JAKMIP2: variants seen among roughly 807,000 people sequenced by gnomAD.
JAKMIP2 encodes the protein janus kinase and microtubule interacting protein 2.
JAKMIP2 carries 25 observed loss-of-function variants against 115.0 expected under a neutral mutation model. The observed-to-expected ratio is 0.22, with a 90% confidence interval of 0.16 to 0.30. JAKMIP2 has a LOEUF of 0.30. JAKMIP2 is among the 10% of genes least tolerant of loss of function. JAKMIP2 has a pLI of 1.00. For synonymous variants in JAKMIP2, 334 were observed against 343.6 expected, an observed-to-expected ratio of 0.97 and a Z score of 0.31; for missense variants, 642 against 957.6, an observed-to-expected ratio of 0.67 and a Z score of 4.35.
At chr5:147,625,093 C>A (rs1581311856) in intron 16 of JAKMIP2, among the ~76,000 whole-genome samples, 1 of 152,218 alleles carries the variant, frequency 6.6e-6, no homozygotes, top group Admixed American at 6.5e-5. Flanking sequence ...GATTCTCCAG[C>A]CTCAGCCTCC....
At chr5:147,634,626 A>G (rs1450419278) in intron 12 of JAKMIP2, among the ~76,000 whole-genome samples, 2 of 152,224 alleles carry the variant, frequency 1.3e-5, no homozygotes, top group Non-Finnish European at 2.9e-5. Flanking sequence ...TTCAATGCCA[A>G]CAAAGTTTCT....
intron 1 of JAKMIP2, among the ~76,000 whole-genome samples, chr5:147,754,440 T>A (rs116517271): frequency 0.017 from 2,654 of 152,062 alleles, 96 homozygotes; most frequent in African/African-American, 0.061. Context: ...ATAGAAGGAT[T>A]ACAAAATACC....
chr5:147,698,706 C>T (rs1471097888), intron 1 of JAKMIP2, among the ~76,000 whole-genome samples: 2 of 152,158 alleles, frequency 1.3e-5, no homozygotes, highest in Middle Eastern at 6.3e-3. Flanking sequence ...TGTTTGCTTC[C>T]CCTTCTGCCA....
intron 2 of JAKMIP2, 117 bp from the exon 3 acceptor site, chr5:147,661,562 A>G (rs1378468395): frequency 9.3e-7 from 1 of 1,075,240 alleles, no homozygotes; most frequent in Non-Finnish European, 1.3e-6. Context: ...CTCTTTTCCA[A>G]TTCCAGGCCC....
Position 147,669,653 on chromosome 5 carries a change from A to C in JAKMIP2, c.129+2025T>G, listed in dbSNP as rs78980437. ...GAATGTAGATTGTCATCCTGTCATAACTGCAATTAAAGGAGTCTGCCTCCC... is the reference window on the plus strand; with the variant it reads ...GAATGTAGATTGTCATCCTGTCATACCTGCAATTAAAGGAGTCTGCCTCCC... On this transcript the variant is annotated intron_variant, in intron 2 of 21. Coordinates refer to ENST00000616793, the MANE Select transcript of JAKMIP2 (RefSeq NM_001270941.2). Among the ~76,000 whole-genome samples the C allele has an allele frequency of 1.3e-4, 20 of 152,304 alleles. No individual in the cohort carries two copies. The East Asian group carries it at 3.9e-3, about 29-fold the overall frequency.
intron 3 of JAKMIP2, among the ~76,000 whole-genome samples, chr5:147,658,070 TGGA>T (rs1758768503): frequency 6.6e-6 from 1 of 152,136 alleles, no homozygotes; most frequent in Admixed American, 6.5e-5. Flanking sequence ...TGTGAACGTT[TGGA>T]GGAGAAGAGG....
At chr5:147,742,999 C>G (rs899444766) in intron 1 of JAKMIP2, among the ~76,000 whole-genome samples, 2 of 152,178 alleles carry the variant, frequency 1.3e-5, no homozygotes, top group African/African-American at 4.8e-5. Flanking sequence ...TCCTAATCTG[C>G]AATGTTAGGC....
chr5:147,746,331 C>G (rs187200833), intron 1 of JAKMIP2, among the ~76,000 whole-genome samples: 353 of 152,200 alleles, frequency 2.3e-3, no homozygotes, highest in African/African-American at 8.2e-3. Flanking sequence ...AGCTCGATGA[C>G]CTGGGTTGTA....
At chr5:147,721,588 T>G in intron 1 of JAKMIP2, among the ~76,000 whole-genome samples, 1 of 152,012 alleles carries the variant, frequency 6.6e-6, no homozygotes. Flanking sequence ...AAGCGCAGTA[T>G]TCGGGTGGGA....
chr5:147,691,742 G>T (rs1317340320), intron 1 of JAKMIP2, among the ~76,000 whole-genome samples: 1 of 152,152 alleles, frequency 6.6e-6, no homozygotes, highest in African/African-American at 2.4e-5. Context: ...GGTGCTGGCT[G>T]GTCAGTGGAG....
At position 147,643,939 on chromosome 5, in the gene JAKMIP2, A is replaced by G. The variant is rs187888320; in HGVS notation, c.1224+119T>C. 840 of 692,700 alleles carry G rather than the reference A, an allele frequency of 1.2e-3. 4 individuals carry two copies. The highest frequency in any genetic ancestry group is 1.4e-3 in the Non-Finnish European group (628 of 441,132). The allele number at this position is 692,700 out of a possible 1,614,324, so 42.9% of individuals were successfully genotyped here. A position where few individuals can be genotyped will look rare whatever the true frequency, so the allele number is the denominator to read the frequency against. On this transcript the variant is annotated intron_variant, in intron 7 of 21. Transcript: ENST00000616793. ...TACAGTCTCTAGAACAAAATTACAT[A>G]TTTAACATATGAACTTGGGCCTCTG...
At chr5:147,673,081 A>G (rs1001533340) in intron 1 of JAKMIP2, among the ~76,000 whole-genome samples, 2 of 152,176 alleles carry the variant, frequency 1.3e-5, no homozygotes, top group Non-Finnish European at 2.9e-5. Flanking sequence ...AGAGAGAATG[A>G]ATGCAAGAAG....
chr5:147,730,901 G>A (rs1753706631), intron 1 of JAKMIP2, among the ~76,000 whole-genome samples: 1 of 152,128 alleles, frequency 6.6e-6, no homozygotes, highest in Non-Finnish European at 1.5e-5. Context: ...TGCTGTATTA[G>A]GAGGTGAGCT....
chr5:147,660,039 C>T (rs996519967), intron 3 of JAKMIP2, among the ~76,000 whole-genome samples: 2 of 152,090 alleles, frequency 1.3e-5, no homozygotes, highest in Non-Finnish European at 2.9e-5. Flanking sequence ...AGCCTTATTT[C>T]CGGAGAAGCA....
intron 8 of JAKMIP2, among the ~76,000 whole-genome samples, chr5:147,641,458 A>G (rs539061051): frequency 2.0e-5 from 3 of 152,210 alleles, no homozygotes; most frequent in Non-Finnish European, 2.9e-5. Context: ...CATCAAACCT[A>G]GGGGCATCTC....
chr5:147,671,723 G>A lies in JAKMIP2; in HGVS notation c.84C>T (p.Thr28=), dbSNP rs777198531. 2.5e-5 allele frequency: 39 copies of A among 1,579,210 alleles called. No homozygotes were observed. The highest frequency in any genetic ancestry group is 5.3e-5 in the Admixed American group (3 of 56,130). The change falls in exon 2 of 22, where the codon ACC becomes ACT. Residue 28 remains threonine (T), a synonymous_variant. Coordinates refer to ENST00000616793, the MANE Select transcript of JAKMIP2 (RefSeq NM_001270941.2). The stretch of plus-strand genomic sequence containing the variant: ...GCTCTATCTGAATGTCTGTGAGCTT[G>A]GTCCTGAGGTCTTCATTGGCAGCTT... ...ALQAANEDLR[T]KLTDIQIELH...
chr5:147,605,857 C>T (rs531189213), intron 20 of JAKMIP2, among the ~76,000 whole-genome samples: 1 of 152,284 alleles, frequency 6.6e-6, no homozygotes, highest in African/African-American at 2.4e-5. Context: ...TGTTTCCTGA[C>T]TTTTTAATGA....
intron 19 of JAKMIP2, among the ~76,000 whole-genome samples, chr5:147,612,944 C>T (rs1413435498): frequency 6.6e-6 from 1 of 152,138 alleles, no homozygotes; most frequent in South Asian, 2.1e-4. Context: ...ATAGAATTTT[C>T]TCACAAAATA....
intron 18 of JAKMIP2, among the ~76,000 whole-genome samples, chr5:147,618,702 A>C (rs776014016): frequency 2.0e-5 from 3 of 152,192 alleles, no homozygotes; most frequent in Non-Finnish European, 4.4e-5. Context: ...CACGCATTGC[A>C]CTCTGGTCTG....
Sources: gnomAD v4.1 joint callset for allele counts (sites outside exome capture counted in the v4.1 genomes callset) on GRCh38, gnomAD v4.1.1 for gene constraint, MANE v1.5 for transcripts, NCBI Gene and HGNC (gene_info 2026-07-23, HGNC 2026-07-21) for gene names.